Variants in NEK1 observed in about 807,000 individuals in gnomAD.
The protein encoded by NEK1 is NIMA related kinase 1.
In NEK1, 137 loss-of-function variants were observed where a neutral mutation model predicts 182.1. The observed-to-expected ratio is 0.75, with a 90% confidence interval of 0.65 to 0.87. The LOEUF (loss-of-function observed/expected upper bound fraction) is 0.87, where lower values mean the gene tolerates loss of function less well. NEK1 is among the 40% of genes least tolerant of loss of function. NEK1 has a pLI of 0.00. For missense variants in NEK1, 1,391 were observed against 1,494.4 expected, an observed-to-expected ratio of 0.93 and a Z score of 1.14; for synonymous variants, 513 against 492.2, an observed-to-expected ratio of 1.04 and a Z score of -0.56.
intron 29 of NEK1, among the ~76,000 whole-genome samples, chr4:169,431,459 C>A (rs890128910): frequency 1.3e-5 from 2 of 152,000 alleles, no homozygotes; most frequent in African/African-American, 2.4e-5. Flanking sequence ...ATAACCGATA[C>A]ATAACAATGC....
At chr4:169,530,560 T>G (rs952794372) in intron 19 of NEK1, among the ~76,000 whole-genome samples, 4 of 152,096 alleles carry the variant, frequency 2.6e-5, no homozygotes, top group African/African-American at 9.7e-5. Flanking sequence ...GTAGGTTAAG[T>G]GCAATAAATA....
intron 30 of NEK1, 115 bp from the exon 31 acceptor site, chr4:169,424,915 A>G: frequency 1.9e-6 from 2 of 1,070,992 alleles, no homozygotes; most frequent in Non-Finnish European, 2.6e-6. Flanking sequence ...ACATATCAGG[A>G]AAATAAAATC....
chr4:169,509,991 T>C (rs1479767082), intron 19 of NEK1, among the ~76,000 whole-genome samples: 1 of 152,188 alleles, frequency 6.6e-6, no homozygotes, highest in African/African-American at 2.4e-5. Flanking sequence ...AGTGACTATA[T>C]ACTATTCATA....
intron 19 of NEK1, among the ~76,000 whole-genome samples, chr4:169,536,396 C>T (rs961471951): frequency 1.3e-5 from 2 of 150,856 alleles, no homozygotes; most frequent in African/African-American, 4.9e-5. Flanking sequence ...ACATTATATA[C>T]CAAGGAAAAA....
intron 32 of NEK1, among the ~76,000 whole-genome samples, chr4:169,404,782 A>ATT (rs5863995): frequency 2.7e-5 from 4 of 150,644 alleles, no homozygotes; most frequent in Non-Finnish European, 4.4e-5. Context: ...ATGGAAAAAA[A>ATT]TTTTTTTTTT....
At chr4:169,536,476 C>T (rs1327216133) in intron 19 of NEK1, among the ~76,000 whole-genome samples, 1 of 151,966 alleles carries the variant, frequency 6.6e-6, no homozygotes, top group Non-Finnish European at 1.5e-5. Flanking sequence ...AACTATAATA[C>T]AATATCCAGT....
chr4:169,432,724 T>C (rs948991963), intron 29 of NEK1, among the ~76,000 whole-genome samples: 13 of 152,138 alleles, frequency 8.5e-5, no homozygotes, highest in African/African-American at 2.9e-4. Flanking sequence ...CAAGAGTGGA[T>C]GGGGACAGAT....
In NEK1 at chr4:169,599,130, A is replaced by G; in HGVS notation, c.282T>C (p.Ala94=). The change falls in exon 5 of 36, where the codon GCT becomes GCC. Residue 94 remains alanine (A), a synonymous_variant. Transcript: ENST00000507142. Reference sequence around the variant, plus strand: ...CCTCTTGAAACAAAACGCCTTTCTGAGCATTTATTCGCTTAAACAGATCCC... The same window carrying G: ...CCTCTTGAAACAAAACGCCTTTCTGGGCATTTATTCGCTTAAACAGATCCC... ...EGGDLFKRIN[A]QKGVLFQEDQ... The G allele has an allele frequency of 6.2e-7, 1 of 1,613,474 alleles. No individual in the cohort carries two copies. The highest frequency in any genetic ancestry group is 2.2e-5 in the East Asian group (1 of 44,812).
At chr4:169,524,230 C>T (rs1353212198) in intron 19 of NEK1, among the ~76,000 whole-genome samples, 2 of 151,868 alleles carry the variant, frequency 1.3e-5, no homozygotes, top group East Asian at 1.9e-4. Context: ...TTGAATGGGC[C>T]GGGCACAGTG....
intron 18 of NEK1, among the ~76,000 whole-genome samples, chr4:169,547,468 G>A (rs906277178): frequency 2.6e-5 from 4 of 152,010 alleles, no homozygotes; most frequent in Non-Finnish European, 5.9e-5. Flanking sequence ...TGCTGATCTC[G>A]AGGAGTATCT....
intron 23 of NEK1, among the ~76,000 whole-genome samples, chr4:169,487,884 T>C (rs1580124733): frequency 6.6e-6 from 1 of 152,342 alleles, no homozygotes; most frequent in East Asian, 1.9e-4. Flanking sequence ...TATTTCTCTG[T>C]GGTTCTGATT....
chr4:169,522,733 G>T (rs188382273), intron 19 of NEK1, among the ~76,000 whole-genome samples: 3 of 152,306 alleles, frequency 2.0e-5, no homozygotes, highest in East Asian at 3.9e-4. Context: ...AGTGGGGCAG[G>T]GATAGCCTGA....
chr4:169,479,621 C>T, intron 23 of NEK1, 87 bp from the exon 24 acceptor site: 1 of 1,064,054 alleles, frequency 9.4e-7, no homozygotes, highest in South Asian at 1.6e-5. Context: ...ACTATTTATC[C>T]ACTCTATCCA....
intron 27 of NEK1, among the ~76,000 whole-genome samples, chr4:169,461,939 C>T (rs979345647): frequency 6.6e-5 from 10 of 151,992 alleles, no homozygotes; most frequent in Admixed American, 3.3e-4. Flanking sequence ...GAAGAGAAAT[C>T]ATAAGTTATT....
rs1339890037 is a variant in NEK1, at chr4:169,561,408, A to T, written c.1266+72T>A. ...AAGAAAGAAAGAAAATCCCAAGTACATGCATTTTATAGAACAAGGTGGAAC... is the reference window on the plus strand; with the variant it reads ...AAGAAAGAAAGAAAATCCCAAGTACTTGCATTTTATAGAACAAGGTGGAAC... On this transcript the variant is annotated intron_variant, in intron 16 of 35. Coordinates refer to ENST00000507142, the MANE Select transcript of NEK1 (RefSeq NM_001199397.3). 3.1e-6 allele frequency: 4 copies of T among 1,281,954 alleles called. No homozygotes were observed. In the Admixed American group the frequency reaches 6.9e-5, roughly 22 times the overall value. 79.4% of individuals were successfully genotyped at this position (1,281,954 alleles called of 1,614,324 possible).
Position 169,436,235 on chromosome 4 carries a change from G to C in NEK1, c.2764+1848C>G, listed in dbSNP as rs1738386830. ...TGTTATTTTAAGCTACTAAGTTTTA[G>C]GAGTAATTTGTTTTGCAGCAATAGA... On this transcript the variant is annotated intron_variant, in intron 28 of 35. Transcript: ENST00000507142. Among the ~76,000 whole-genome samples, 10 of 152,196 alleles carry C rather than the reference G, an allele frequency of 6.6e-5. No homozygotes were observed. The South Asian group carries it at 2.1e-3, about 31-fold the overall frequency.
Position 169,595,831 on chromosome 4 carries a change from A to G in NEK1, c.312+3269T>C, listed in dbSNP as rs1027739190. On this transcript the variant is annotated intron_variant, in intron 5 of 35. Coordinates refer to ENST00000507142, the MANE Select transcript of NEK1 (RefSeq NM_001199397.3). ...CCTGCTACTCAGGAGGCTGAGGCAG[A>G]AGAATGGCGTGAACCCGGGAGGCAG... Among the ~76,000 whole-genome samples the G allele has an allele frequency of 6.0e-4, 91 of 151,266 alleles. 1 individual carries two copies. The highest frequency in any genetic ancestry group is 9.2e-4 in the Admixed American group (14 of 15,186).
At chr4:169,514,278 G>A (rs11132807) in intron 19 of NEK1, among the ~76,000 whole-genome samples, 29,474 of 152,002 alleles carry the variant, frequency 0.19, 4,301 homozygotes, top group African/African-American at 0.41. Context: ...GTGAGCCACC[G>A]CACCCGGCAA....
At chr4:169,499,743 C>T (rs995151356) in intron 23 of NEK1, among the ~76,000 whole-genome samples, 1 of 152,156 alleles carries the variant, frequency 6.6e-6, no homozygotes, top group Non-Finnish European at 1.5e-5. Context: ...ATGTTGCTGC[C>T]TGATCATTCC....
Sources: allele counts gnomAD v4.1 joint callset (sites outside exome capture counted in the v4.1 genomes callset), GRCh38; gene constraint gnomAD v4.1.1; transcripts MANE v1.5; gene names NCBI Gene and HGNC (gene_info 2026-07-23, HGNC 2026-07-21).